Variants in GALNT17 observed in about 807,000 individuals in gnomAD.
GALNT17 encodes polypeptide N-acetylgalactosaminyltransferase 17, also known as UDP-GalNAc:polypeptide N-acetylgalactosaminyltransferase-like 3.
A neutral mutation model predicts 63.7 loss-of-function variants in GALNT17; 29 were observed. The ratio of observed to expected loss-of-function variants is 0.46; its 90% confidence interval spans 0.34 to 0.62. GALNT17 has a LOEUF of 0.62. GALNT17 is among the 20% of genes least tolerant of loss of function. The pLI, the probability that GALNT17 is intolerant of heterozygous loss-of-function variation, is 0.01. For missense variants in GALNT17, 603 were observed against 799.6 expected, an observed-to-expected ratio of 0.75 and a Z score of 2.97; for synonymous variants, 305 against 318.3, an observed-to-expected ratio of 0.96 and a Z score of 0.45.
At chr7:71,646,111 C>G (rs1481334392) in intron 6 of GALNT17, among the ~76,000 whole-genome samples, 1 of 152,182 alleles carries the variant, frequency 6.6e-6, no homozygotes, top group East Asian at 1.9e-4. Flanking sequence ...AGTTCCTAGG[C>G]TCTGATACAC....
chr7:71,362,422 T>G (rs1399316264), intron 2 of GALNT17, among the ~76,000 whole-genome samples: 1 of 152,212 alleles, frequency 6.6e-6, no homozygotes, highest in Non-Finnish European at 1.5e-5. Context: ...CCGCCTGCTG[T>G]GTGCAGATCT....
At chr7:71,654,914 G>A (rs561523613) in intron 6 of GALNT17, among the ~76,000 whole-genome samples, 6 of 152,098 alleles carry the variant, frequency 3.9e-5, no homozygotes, top group African/African-American at 9.6e-5. Context: ...TCAGCCTCCC[G>A]AGTAGCTGGG....
intron 5 of GALNT17, among the ~76,000 whole-genome samples, chr7:71,468,472 A>G (rs1787574045): frequency 6.6e-6 from 1 of 151,822 alleles, no homozygotes; most frequent in African/African-American, 2.4e-5. Flanking sequence ...GCTGGAGTGC[A>G]GTGGTGCCAC....
intron 6 of GALNT17, among the ~76,000 whole-genome samples, chr7:71,629,163 G>T (rs531116413): frequency 6.6e-6 from 1 of 152,168 alleles, no homozygotes; most frequent in Non-Finnish European, 1.5e-5. Context: ...AGCAGGAAGT[G>T]CATGGCACCT....
At chr7:71,593,451 A>T (rs1253989864) in intron 6 of GALNT17, among the ~76,000 whole-genome samples, 2 of 151,922 alleles carry the variant, frequency 1.3e-5, no homozygotes, top group East Asian at 3.9e-4. Context: ...TTTTTGGTAG[A>T]GACAGGGTTT....
At chr7:71,357,581 C>G (rs559419931) in intron 2 of GALNT17, among the ~76,000 whole-genome samples, 64 of 152,322 alleles carry the variant, frequency 4.2e-4, no homozygotes, top group African/African-American at 1.3e-3. Context: ...TAACTTTCTT[C>G]TCTCCCAGAA....
intron 1 of GALNT17, among the ~76,000 whole-genome samples, chr7:71,180,458 G>A (rs1046442995): frequency 2.6e-5 from 4 of 152,076 alleles, no homozygotes; most frequent in African/African-American, 4.8e-5. Context: ...AAGAAGTCAC[G>A]TGCAGATGAA....
intron 7 of GALNT17, among the ~76,000 whole-genome samples, chr7:71,666,767 A>G (rs1334087478): frequency 3.3e-5 from 5 of 152,048 alleles, no homozygotes; most frequent in East Asian, 3.9e-4. Flanking sequence ...AGATAATACA[A>G]TGTAAATGCT....
chr7:71,225,532 C>T (rs1022396760), intron 1 of GALNT17, among the ~76,000 whole-genome samples: 15 of 152,302 alleles, frequency 9.8e-5, no homozygotes, highest in African/African-American at 3.4e-4. Context: ...CAATTAAGTT[C>T]AGTGAATAAA....
intron 3 of GALNT17, among the ~76,000 whole-genome samples, chr7:71,394,979 G>A (rs1230682491): frequency 3.3e-5 from 5 of 152,034 alleles, no homozygotes; most frequent in African/African-American, 7.2e-5. Context: ...GCACGTGCCT[G>A]TAGTCTGAGC....
intron 1 of GALNT17, among the ~76,000 whole-genome samples, chr7:71,278,750 A>C (rs759200144): frequency 6.6e-6 from 1 of 152,038 alleles, no homozygotes; most frequent in African/African-American, 2.4e-5. Context: ...AGAACTCACT[A>C]TCATGAGAAC....
intron 2 of GALNT17, among the ~76,000 whole-genome samples, chr7:71,373,939 C>T (rs1440924656): frequency 1.3e-5 from 2 of 152,108 alleles, no homozygotes; most frequent in Non-Finnish European, 2.9e-5. Flanking sequence ...TTCCTTATAC[C>T]CTTTCCTTTT....
intron 1 of GALNT17, among the ~76,000 whole-genome samples, chr7:71,179,364 T>C (rs1421095208): frequency 6.6e-6 from 1 of 152,230 alleles, no homozygotes; most frequent in African/African-American, 2.4e-5. Context: ...TGATGTCTCA[T>C]GTCTCCCTAA....
At chr7:71,684,328 G>A (rs1192740083) in intron 9 of GALNT17, among the ~76,000 whole-genome samples, 1 of 152,208 alleles carries the variant, frequency 6.6e-6, no homozygotes, top group African/African-American at 2.4e-5. Flanking sequence ...GGTGCTATCA[G>A]GAAGAAAGAG....
chr7:71,500,171 A>G (rs912776388), intron 5 of GALNT17, among the ~76,000 whole-genome samples: 1 of 152,128 alleles, frequency 6.6e-6, no homozygotes, highest in Non-Finnish European at 1.5e-5. Flanking sequence ...TTGCCTATAA[A>G]TTTCCTAGAG....
intron 3 of GALNT17, among the ~76,000 whole-genome samples, chr7:71,393,950 C>T (rs976826045): frequency 6.6e-6 from 1 of 152,140 alleles, no homozygotes; most frequent in Admixed American, 6.5e-5. Flanking sequence ...TGGGGTGTAT[C>T]GCTCCTCCTG....
chr7:71,416,868 T>G (rs1038155852), intron 4 of GALNT17, among the ~76,000 whole-genome samples: 20 of 152,172 alleles, frequency 1.3e-4, no homozygotes, highest in Non-Finnish European at 1.3e-4. Flanking sequence ...TTTCTGCAGA[T>G]AGGCCCTGAT....
chr7:71,385,312 A>C (rs538745338), intron 2 of GALNT17, among the ~76,000 whole-genome samples: 1 of 152,298 alleles, frequency 6.6e-6, no homozygotes, highest in East Asian at 1.9e-4. Flanking sequence ...CCCGGCAGTC[A>C]TCTGCCCAGC....
intron 5 of GALNT17, among the ~76,000 whole-genome samples, chr7:71,485,948 T>C (rs1787900984): frequency 6.6e-6 from 1 of 152,162 alleles, no homozygotes; most frequent in African/African-American, 2.4e-5. Context: ...AAAATGGTGT[T>C]TTACTGACCC....
Sources: allele counts gnomAD v4.1 joint callset (sites outside exome capture counted in the v4.1 genomes callset), GRCh38; gene constraint gnomAD v4.1.1; transcripts MANE v1.5; gene names NCBI Gene and HGNC (gene_info 2026-07-23, HGNC 2026-07-21).